Variants in MAP3K20 observed in about 807,000 individuals in gnomAD.
MAP3K20 encodes the protein HCCS-4.
MAP3K20 carries 40 observed loss-of-function variants against 85.7 expected under a neutral mutation model. That is an observed-to-expected ratio of 0.47 (90% confidence interval 0.36 to 0.61). The LOEUF (loss-of-function observed/expected upper bound fraction) is 0.61. Ranked by LOEUF, MAP3K20 falls within the 20% of genes least tolerant of loss-of-function variation. MAP3K20 has a pLI of 0.00. For missense variants in MAP3K20, 817 were observed against 961.7 expected (o/e 0.85, Z 1.99); for synonymous variants, 325 against 327.7 (o/e 0.99, Z 0.09).
At chr2:173,100,550 CTTCA>C (rs894051922) in intron 2 of MAP3K20, among the ~76,000 whole-genome samples, 1 of 152,138 alleles carries the variant, frequency 6.6e-6, no homozygotes, top group Non-Finnish European at 1.5e-5. Flanking sequence ...CCTACATTTT[CTTCA>C]TTTACTCTGC....
chr2:173,165,609 AT>A (rs1456433439), intron 2 of MAP3K20, among the ~76,000 whole-genome samples: 3 of 152,190 alleles, frequency 2.0e-5, no homozygotes, highest in African/African-American at 7.2e-5. Context: ...AAACTTTTGT[AT>A]TGTGGTAAAA....
chr2:173,221,321 T>C, intron 11 of MAP3K20: 1 of 1,613,878 alleles, frequency 6.2e-7, no homozygotes, highest in Non-Finnish European at 8.5e-7. Context: ...TGGGGATATC[T>C]TCTCAATGAA....
intron 11 of MAP3K20, chr2:173,226,975 G>A: frequency 1.0e-6 from 1 of 985,502 alleles, no homozygotes; most frequent in African/African-American, 1.7e-5. Context: ...ACTCTTGTGT[G>A]GTAAGACTAT....
intron 1 of MAP3K20, among the ~76,000 whole-genome samples, chr2:173,082,852 T>A (rs1265239397): frequency 1.3e-5 from 2 of 152,264 alleles, no homozygotes; most frequent in Non-Finnish European, 2.9e-5. Context: ...GGCTTCTGTT[T>A]GAGCACAGAC....
chr2:173,208,235 T>TA (rs1002436672), intron 9 of MAP3K20, among the ~76,000 whole-genome samples: 3 of 151,508 alleles, frequency 2.0e-5, no homozygotes, highest in Non-Finnish European at 4.4e-5. Flanking sequence ...CCCCTCTGTA[T>TA]AAAAAACTAA....
rs977062406 is a variant in MAP3K20, at chr2:173,239,252, A to G, written c.1267-152A>G. The G allele has an allele frequency of 5.0e-6, 3 of 602,556 alleles. No individual in the cohort carries two copies. The South Asian group carries it at 7.6e-5, about 15-fold the overall frequency. The allele number at this position is 602,556 out of a possible 1,614,324, so 37.3% of individuals were successfully genotyped here. On this transcript the variant is annotated intron_variant, in intron 15 of 19. Coordinates refer to ENST00000375213, the MANE Select transcript of MAP3K20 (RefSeq NM_016653.3). ...CATAATATGTCATTTCTGTTGGTTG[A>G]TGTAATTAGAATTTGTAGCTTAATC...
chr2:173,213,734 CGTT>C (rs1186209980), intron 10 of MAP3K20, among the ~76,000 whole-genome samples: 1 of 152,118 alleles, frequency 6.6e-6, no homozygotes, highest in East Asian at 1.9e-4. Context: ...GACTTGTGGC[CGTT>C]GTTGTGCTGT....
chr2:173,124,014 A>G (rs1287089019), intron 2 of MAP3K20, among the ~76,000 whole-genome samples: 1 of 152,174 alleles, frequency 6.6e-6, no homozygotes, highest in African/African-American at 2.4e-5. Flanking sequence ...TTTGACTCCC[A>G]GACCTTGTTT....
chr2:173,222,995 A>G (rs1288571057), intron 11 of MAP3K20: 1 of 985,292 alleles, frequency 1.0e-6, no homozygotes, highest in African/African-American at 1.7e-5. Context: ...GGGTCTTTTT[A>G]TGGAAGTTTA....
At chr2:173,092,937 T>G (rs913903443) in intron 2 of MAP3K20, among the ~76,000 whole-genome samples, 1 of 149,140 alleles carries the variant, frequency 6.7e-6, no homozygotes, top group African/African-American at 2.6e-5. Context: ...TGTAGGTAAT[T>G]CAGAAATTGA....
At chr2:173,171,901 T>C (rs569178724) in intron 3 of MAP3K20, among the ~76,000 whole-genome samples, 1 of 152,318 alleles carries the variant, frequency 6.6e-6, no homozygotes, top group East Asian at 1.9e-4. Context: ...TATTGACCTA[T>C]GAGATTGATT....
At chr2:173,086,097 A>G (rs1687139752) in intron 1 of MAP3K20, among the ~76,000 whole-genome samples, 1 of 152,132 alleles carries the variant, frequency 6.6e-6, no homozygotes, top group Admixed American at 6.5e-5. Flanking sequence ...TGCCTGGCCA[A>G]AACAATTCTT....
chr2:173,246,649 T>TG lies in MAP3K20; in HGVS notation c.1359+7157dup, dbSNP rs560176575. Reference sequence around the variant, plus strand: ...AAAGCAGAATTAGGAAGGAACTCTTTGGGGAGTCGTCCATTCCTTACAAAT... The same window carrying TG: ...AAAGCAGAATTAGGAAGGAACTCTTTGGGGGAGTCGTCCATTCCTTACAAAT... On this transcript the variant is annotated intron_variant, in intron 16 of 19. Coordinates refer to ENST00000375213, the MANE Select transcript of MAP3K20 (RefSeq NM_016653.3). 2.5e-4 allele frequency among the ~76,000 whole-genome samples: 38 copies of TG among 152,312 alleles called. 1 individual carries two copies. In the South Asian group the frequency reaches 7.9e-3, roughly 32 times the overall value.
intron 2 of MAP3K20, chr2:173,166,637 G>A (rs1689833383): frequency 6.6e-6 from 1 of 151,424 alleles, no homozygotes; most frequent in Admixed American, 6.6e-5. Flanking sequence ...TTAAATTAAC[G>A]ATTGTTATCC....
At chr2:173,240,807 T>C (rs991973969) in intron 16 of MAP3K20, among the ~76,000 whole-genome samples, 4 of 152,212 alleles carry the variant, frequency 2.6e-5, no homozygotes, top group African/African-American at 7.2e-5. Flanking sequence ...TGAAGAGATA[T>C]CTGTACTCCT....
chr2:173,098,466 A>G (rs1221056152), intron 2 of MAP3K20, among the ~76,000 whole-genome samples: 1 of 152,248 alleles, frequency 6.6e-6, no homozygotes, highest in African/African-American at 2.4e-5. Flanking sequence ...TATTTAAAGT[A>G]TTGTATAAAA....
At chr2:173,245,743 C>A (rs921606117) in intron 16 of MAP3K20, among the ~76,000 whole-genome samples, 2 of 152,136 alleles carry the variant, frequency 1.3e-5, no homozygotes, top group African/African-American at 4.8e-5. Flanking sequence ...GCCAGCCTGG[C>A]CAACATGGTG....
chr2:173,199,129 T>C (rs1046566139), intron 8 of MAP3K20, among the ~76,000 whole-genome samples: 2 of 152,224 alleles, frequency 1.3e-5, no homozygotes, highest in Admixed American at 1.3e-4. Context: ...ATATTCCCTT[T>C]TAATGCTCTA....
intron 4 of MAP3K20, among the ~76,000 whole-genome samples, chr2:173,184,902 G>A (rs1574087598): frequency 1.4e-5 from 2 of 143,762 alleles, no homozygotes; most frequent in African/African-American, 2.6e-5. Flanking sequence ...ACTCAGTCTA[G>A]AAAAAAAAAA....
Sources: allele counts gnomAD v4.1 joint callset (sites outside exome capture counted in the v4.1 genomes callset), GRCh38; gene constraint gnomAD v4.1.1; transcripts MANE v1.5; gene names NCBI Gene and HGNC (gene_info 2026-07-23, HGNC 2026-07-21).